Variants in RASGRP4 observed in about 807,000 individuals in gnomAD.
The protein encoded by RASGRP4 is RAS guanyl-releasing protein 4.
A neutral mutation model predicts 84.4 loss-of-function variants in RASGRP4; 52 were observed. The observed-to-expected ratio is 0.62, with a 90% CI of 0.49 to 0.78. The LOEUF (loss-of-function observed/expected upper bound fraction) is 0.78. Among genes scored for constraint, RASGRP4 ranks in the 30% least tolerant of loss-of-function variants. The pLI is 0.00. For synonymous variants in RASGRP4, 356 were observed against 359.1 expected (o/e 0.99, Z 0.10); for missense variants, 760 against 886.9 (o/e 0.86, Z 1.82).
In RASGRP4 at chr19:38,412,134, T is replaced by TTG; in HGVS notation, c.1680+537_1680+538insCA. Among the ~76,000 whole-genome samples, 1 of 145,178 alleles carries TTG rather than the reference T, an allele frequency of 6.9e-6. No individual in the cohort carries two copies. The highest frequency in any genetic ancestry group is 2.1e-4 in the East Asian group (1 of 4,714). On this transcript the variant is annotated intron_variant, in intron 13 of 16. Transcript: ENST00000615439. The surrounding 1 kb of genome is among the most constrained non-coding windows in gnomAD (Gnocchi z 4.6). ...TGTTGTTGTTGTTGTTGTTGTTGTT[T>TTG]TTGAGACAGAATCTCGCTCTGTCAC... is the stretch of plus-strand genomic sequence containing the variant.
At chr19:38,416,704 T>C (rs548578190) in intron 8 of RASGRP4, among the ~76,000 whole-genome samples, 7 of 152,292 alleles carry the variant, frequency 4.6e-5, no homozygotes, top group Admixed American at 3.3e-4. Context: ...CAAGGCGCTA[T>C]AGGATCTTCC....
chr19:38,421,013 G>A, intron 3 of RASGRP4, 43 bp from the exon 4 acceptor site: 1 of 1,608,526 alleles, frequency 6.2e-7, no homozygotes, highest in Non-Finnish European at 8.5e-7. Flanking sequence ...TCCATGACCT[G>A]CCTGCTCCCC....
chr19:38,423,279 C>G (rs576160604), intron 1 of RASGRP4, among the ~76,000 whole-genome samples: 60 of 152,300 alleles, frequency 3.9e-4, no homozygotes, highest in African/African-American at 1.4e-3. Flanking sequence ...AATCCCAAAG[C>G]TTTGGGAGGC....
Position 38,418,495 on chromosome 19 carries a change from C to A in RASGRP4, c.733G>T (p.Gly245Cys). The A allele has an allele frequency of 6.4e-7, 1 of 1,565,484 alleles. No homozygotes were observed. The highest frequency in any genetic ancestry group is 8.7e-7 in the Non-Finnish European group (1 of 1,155,622). The change falls in exon 7 of 17, where the codon GGT (glycine) becomes TGT (cysteine). Residue 245 changes from glycine to cysteine, a missense_variant. Gly to Cys is a radical substitution (Grantham distance 159). Coordinates refer to ENST00000615439, the MANE Select transcript of RASGRP4 (RefSeq NM_170604.3). This position sits in a 1 kb window ranked among gnomAD's most constrained non-coding sequence, Gnocchi z 4.6. ...CAGCGGGACACGCTGTTGCTGAGAC[C>A]TACGGAGCCCTCCAGGGCCGGGCAG... Reference protein sequence around the residue: ...RGCPALEGSVGLSNSVSRWVQ... With the variant: ...RGCPALEGSVCLSNSVSRWVQ...
Position 38,412,614 on chromosome 19 carries a change from G to A in RASGRP4, c.1680+58C>T, listed in dbSNP as rs1971307722. 1.0e-5 allele frequency: 16 copies of A among 1,546,748 alleles called. No homozygotes were observed. Among genetic ancestry groups the A allele is most frequent in the South Asian group, 6.0e-5 (5 of 83,968 alleles). On this transcript the variant is annotated intron_variant, in intron 13 of 16. Coordinates refer to ENST00000615439, the MANE Select transcript of RASGRP4 (RefSeq NM_170604.3). This position sits in a 1 kb window ranked among gnomAD's most constrained non-coding sequence, Gnocchi z 4.6. ...AATTTGGGGGTTATCTGGGGTTTGC[G>A]GACTGCCGGCTTCAGGACAGATGGA...
chr19:38,412,982 G>C lies in RASGRP4; in HGVS notation c.1484C>G (p.Ser495Trp). 1 of 1,614,032 alleles carries C rather than the reference G, an allele frequency of 6.2e-7. No homozygotes were observed. The highest frequency in any genetic ancestry group is 8.5e-7 in the Non-Finnish European group (1 of 1,179,888). The change falls in exon 12 of 17, where the codon TCG becomes TGG. Residue 495 changes from serine to tryptophan, a missense_variant. Physicochemically the swap from Ser to Trp is radical, Grantham distance 177. Coordinates refer to ENST00000615439, the MANE Select transcript of RASGRP4 (RefSeq NM_170604.3). This position sits in a 1 kb window ranked among gnomAD's most constrained non-coding sequence, Gnocchi z 4.6. ...TISQEDFERL[S>W]GNFPFACHGL... Reference sequence around the variant, plus strand: ...ATGGCAGGCGAAGGGAAAATTGCCCGAGAGTCGCTCAAAGTCCTCCTGAGA... The same window carrying C: ...ATGGCAGGCGAAGGGAAAATTGCCCCAGAGTCGCTCAAAGTCCTCCTGAGA...
At position 38,417,997 on chromosome 19, in the gene RASGRP4, C is replaced by T. The variant is rs1485804706; in HGVS notation, c.837+394G>A. On this transcript the variant is annotated intron_variant, in intron 7 of 16. Transcript: ENST00000615439. The surrounding 1 kb of genome is among the most constrained non-coding windows in gnomAD (Gnocchi z 5.1). Reference sequence around the variant, plus strand: ...ACACAATGGGGCGGGGCGGGGAGAGCCCGGACGCAATGGGGAGCGATGCAC... The same window carrying T: ...ACACAATGGGGCGGGGCGGGGAGAGTCCGGACGCAATGGGGAGCGATGCAC... 6.7e-6 allele frequency among the ~76,000 whole-genome samples: 1 copy of T among 148,760 alleles called. No individual in the cohort carries two copies. Among genetic ancestry groups the T allele is most frequent in the Non-Finnish European group, 1.5e-5 (1 of 66,840 alleles).
At chr19:38,420,393 G>A (rs1971692338) in intron 4 of RASGRP4, 131 bp from the exon 5 acceptor site, 12 of 1,028,092 alleles carry the variant, frequency 1.2e-5, no homozygotes, top group Non-Finnish European at 1.4e-5. Flanking sequence ...TCCCTGGAGG[G>A]TTGGGGTTTG....
At position 38,414,886 on chromosome 19, in the gene RASGRP4, G is replaced by A. The variant is rs1971430610; in HGVS notation, c.1192C>T (p.Pro398Ser). 4 of 1,605,370 alleles carry A rather than the reference G, an allele frequency of 2.5e-6. No homozygotes were observed. The highest frequency in any genetic ancestry group is 3.4e-6 in the Non-Finnish European group (4 of 1,176,458). ...ELVALQGQHP[P>S]CSANEDLLHL... Reference sequence around the variant, plus strand: ...AGCAGATCCTCATTGGCGCTGCAGGGTGGATGCTGCCCTTGGAGGGCCACC... The same window carrying A: ...AGCAGATCCTCATTGGCGCTGCAGGATGGATGCTGCCCTTGGAGGGCCACC... The change falls in exon 9 of 17, where the codon CCC becomes TCC. Residue 398 changes from proline (P) to serine (S), a missense_variant. Physicochemically the swap from Pro to Ser is moderately conservative, Grantham distance 74. Transcript: ENST00000615439.
intron 4 of RASGRP4, among the ~76,000 whole-genome samples, chr19:38,420,555 C>T (rs1011530110): frequency 6.7e-6 from 1 of 148,606 alleles, no homozygotes; most frequent in Non-Finnish European, 1.5e-5. Flanking sequence ...AGACTGGGGG[C>T]TTCCGGGGGT....
In RASGRP4 at chr19:38,412,440, G is replaced by T; in HGVS notation, c.1680+232C>A. On this transcript the variant is annotated intron_variant, in intron 13 of 16. Coordinates refer to ENST00000615439, the MANE Select transcript of RASGRP4 (RefSeq NM_170604.3). This position sits in a 1 kb window ranked among gnomAD's most constrained non-coding sequence, Gnocchi z 4.6. Reference sequence around the variant, plus strand: ...CCTGGCCTCCTATCTAGAGTTTTAGGTATTATCCATGGTTCAGCAATTGTC... The same window carrying T: ...CCTGGCCTCCTATCTAGAGTTTTAGTTATTATCCATGGTTCAGCAATTGTC... The T allele has an allele frequency of 1.8e-6, 1 of 543,156 alleles. No homozygotes were observed. Among genetic ancestry groups the T allele is most frequent in the East Asian group, 3.2e-5 (1 of 31,034 alleles). The allele number at this position is 543,156 out of a possible 1,614,324, so 33.6% of individuals were successfully genotyped here.
At chr19:38,422,856 C>T (rs1362867635) in intron 1 of RASGRP4, among the ~76,000 whole-genome samples, 1 of 152,056 alleles carries the variant, frequency 6.6e-6, no homozygotes, top group Non-Finnish European at 1.5e-5. Context: ...CCATCCCCAC[C>T]CCCTTCCACA....
rs1427476666 is a variant in RASGRP4, at chr19:38,413,265, C to T, written c.1344G>A (p.Val448=). ...PPSPFNAPLV[V]EWAPGVTPKP... ...TGGGTGTCACACCAGGGGCCCACTC[C>T]ACCACCAGAGGTGCATTGAAGGGGG... Residue 448 remains valine (V), a synonymous_variant, in exon 11 of 17, where the codon GTG becomes GTA. Transcript: ENST00000615439. This position sits in a 1 kb window ranked among gnomAD's most constrained non-coding sequence, Gnocchi z 4.7. 13 of 1,613,824 alleles carry T rather than the reference C, an allele frequency of 8.1e-6. 1 individual carries two copies. Among genetic ancestry groups the T allele is most frequent in the Non-Finnish European group, 9.3e-6 (11 of 1,179,840 alleles).
chr19:38,421,401 C>T (rs1418341900), intron 2 of RASGRP4, among the ~76,000 whole-genome samples: 1 of 152,196 alleles, frequency 6.6e-6, no homozygotes, highest in African/African-American at 2.4e-5. Flanking sequence ...CCTGGCAAGT[C>T]TTGCTGAAGA....
intron 1 of RASGRP4, among the ~76,000 whole-genome samples, chr19:38,425,319 C>T (rs1971946175): frequency 6.6e-6 from 1 of 152,028 alleles, no homozygotes; most frequent in Admixed American, 6.6e-5. Context: ...TCATTGAGTA[C>T]TTACAGGCCT....
Position 38,412,651 on chromosome 19 carries a change from G to C in RASGRP4, c.1680+21C>G. On this transcript the variant is annotated intron_variant, in intron 13 of 16. Coordinates refer to ENST00000615439, the MANE Select transcript of RASGRP4 (RefSeq NM_170604.3). The surrounding 1 kb of genome is among the most constrained non-coding windows in gnomAD (Gnocchi z 4.6). ...TCAGGACAGATGGAACCTAAGGGTG[G>C]TGATGGGGTGGGGTGCTCACGAAGC... 6.2e-7 allele frequency: 1 copy of C among 1,609,324 alleles called. No homozygotes were observed. The highest frequency in any genetic ancestry group is 8.5e-7 in the Non-Finnish European group (1 of 1,177,720).
chr19:38,414,514 C>T lies in RASGRP4; in HGVS notation c.1230+334G>A, dbSNP rs938316443. ...GCTAATTTTGTATTTTTAGTAGAGACGGGGTTTCTCCATGTTGGTCAGGCT... is the reference window on the plus strand; with the variant it reads ...GCTAATTTTGTATTTTTAGTAGAGATGGGGTTTCTCCATGTTGGTCAGGCT... On this transcript the variant is annotated intron_variant, in intron 9 of 16. Coordinates refer to ENST00000615439, the MANE Select transcript of RASGRP4 (RefSeq NM_170604.3). 5.9e-5 allele frequency among the ~76,000 whole-genome samples: 9 copies of T among 151,972 alleles called. No individual in the cohort carries two copies. In the South Asian group the frequency reaches 1.0e-3, roughly 18 times the overall value.
intron 1 of RASGRP4, among the ~76,000 whole-genome samples, chr19:38,423,752 G>A (rs926551080): frequency 6.6e-6 from 1 of 152,102 alleles, no homozygotes; most frequent in Non-Finnish European, 1.5e-5. Flanking sequence ...CAGAAGACTT[G>A]CTTGAACCCA....
intron 1 of RASGRP4, among the ~76,000 whole-genome samples, chr19:38,423,316 G>T (rs1220779879): frequency 1.3e-5 from 2 of 152,156 alleles, no homozygotes; most frequent in African/African-American, 4.8e-5. Context: ...CTTGAGGCCA[G>T]GAGTTCGAGA....
Sources: gnomAD v4.1 joint callset for allele counts (sites outside exome capture counted in the v4.1 genomes callset) on GRCh38, gnomAD v4.1.1 for gene constraint, Gnocchi (gnomAD v3.1) non-coding constraint, MANE v1.5 for transcripts, NCBI Gene and HGNC (gene_info 2026-07-23, HGNC 2026-07-21) for gene names.